The following CD163L1 variants were observed in gnomAD, a reference collection of about 807,000 sequenced individuals.
CD163L1 encodes scavenger receptor cysteine-rich type 1 protein M160.
CD163L1 carries 124 observed loss-of-function variants against 165.4 expected under a neutral mutation model. The observed-to-expected ratio is 0.75, with a 90% CI of 0.65 to 0.87. CD163L1 has a LOEUF of 0.87. Ranked by LOEUF, CD163L1 falls within the 40% of genes least tolerant of loss-of-function variation. The pLI is 0.00. For missense variants in CD163L1, 1,525 were observed against 1,799.9 expected (o/e 0.85, Z 2.76); for synonymous variants, 585 against 662.2 (o/e 0.88, Z 1.79).
At chr12:7,407,782 T>TAC (rs57031012) in intron 4 of CD163L1, among the ~76,000 whole-genome samples, 27,363 of 143,804 alleles carry the variant, frequency 0.19, 2,687 homozygotes, top group Admixed American at 0.3. Flanking sequence ...CACACATCCA[T>TAC]ACACACACAC....
chr12:7,382,328 T>C (rs1188161999), intron 8 of CD163L1, among the ~76,000 whole-genome samples: 1 of 151,990 alleles, frequency 6.6e-6, no homozygotes, highest in African/African-American at 2.4e-5. Flanking sequence ...TCAAGACGGC[T>C]ACTAGAGGCA....
the CD163L1 span, chr12:7,323,682 A>T: frequency 1.2e-6 from 1 of 824,434 alleles, no homozygotes; most frequent in Non-Finnish European, 2.0e-6. Flanking sequence ...TAAAATGGGG[A>T]GACTATCATC....
chr12:7,323,152 T>G, the CD163L1 span: 3,714 of 1,349,742 alleles, frequency 2.8e-3, 9 homozygotes, highest in Non-Finnish European at 3.3e-3. Context: ...TCAGTCAAAA[T>G]CAAATCTTAA....
chr12:7,413,091 CAAAAAAAAAA>C (rs111943372), intron 4 of CD163L1, among the ~76,000 whole-genome samples: 1 of 39,546 alleles, frequency 2.5e-5, no homozygotes, highest in Non-Finnish European at 5.8e-5. Context: ...GACTCCATCT[CAAAAAAAAAA>C]AAAAAAAAAA....
At chr12:7,422,542 A>G (rs1948458186) in intron 4 of CD163L1, among the ~76,000 whole-genome samples, 1 of 151,894 alleles carries the variant, frequency 6.6e-6, no homozygotes, top group African/African-American at 2.4e-5. Flanking sequence ...AAGAACCTTG[A>G]AAAAAGGTTA....
intron 18 of CD163L1, among the ~76,000 whole-genome samples, chr12:7,366,029 G>A (rs905542246): frequency 1.3e-5 from 2 of 152,050 alleles, no homozygotes; most frequent in Non-Finnish European, 2.9e-5. Flanking sequence ...ATGAATGAAT[G>A]GGTAAGAATA....
chr12:7,402,810 A>G (rs1484490250), intron 6 of CD163L1, among the ~76,000 whole-genome samples: 1 of 151,654 alleles, frequency 6.6e-6, no homozygotes, highest in Non-Finnish European at 1.5e-5. Flanking sequence ...TAATTTTTAA[A>G]TTTTTTGCAG....
chr12:7,418,447 T>C (rs1023881554), intron 4 of CD163L1, among the ~76,000 whole-genome samples: 1 of 151,832 alleles, frequency 6.6e-6, no homozygotes, highest in South Asian at 2.1e-4. Context: ...AGAGTATAAA[T>C]AGACAATCTA....
chr12:7,406,750 T>A lies in CD163L1; in HGVS notation c.869A>T (p.Lys290Met), dbSNP rs1406185726. 1 of 1,613,928 alleles carries A rather than the reference T, an allele frequency of 6.2e-7. No individual in the cohort carries two copies. Among genetic ancestry groups the A allele is most frequent in the Non-Finnish European group, 8.5e-7 (1 of 1,180,004 alleles). The change falls in exon 5 of 20, where the codon AAG becomes ATG. Residue 290 changes from lysine (K) to methionine (M), a missense_variant. Lys to Met is a moderately conservative substitution (Grantham distance 95). Coordinates refer to ENST00000313599, the MANE Select transcript of CD163L1 (RefSeq NM_174941.6). ...GACATCAGCTGCAGCATTGTTCCAC[T>A]TATGGTGGCATACGGTCCCCCACCT... ...QGRWGTVCHH[K>M]WNNAAADVVC...
intron 4 of CD163L1, among the ~76,000 whole-genome samples, chr12:7,431,600 G>T (rs1457186035): frequency 6.6e-6 from 1 of 151,236 alleles, no homozygotes; most frequent in African/African-American, 2.4e-5. Context: ...ACACACCAGG[G>T]CCCGTTGGGG....
chr12:7,408,564 T>C (rs1948074964), intron 4 of CD163L1, among the ~76,000 whole-genome samples: 1 of 152,228 alleles, frequency 6.6e-6, no homozygotes, highest in African/African-American at 2.4e-5. Flanking sequence ...TAGAGTAATT[T>C]GGATATCCAT....
At chr12:7,333,596 C>T in the CD163L1 span, among the ~76,000 whole-genome samples, 4 of 152,084 alleles carry the variant, frequency 2.6e-5, no homozygotes, top group African/African-American at 9.7e-5. Context: ...AAAGCAAGAG[C>T]AAACACATTC....
At chr12:7,440,034 A>T (rs1236040765) in intron 2 of CD163L1, 1 of 1,303,948 alleles carries the variant, frequency 7.7e-7, no homozygotes, top group Non-Finnish European at 1.1e-6. Context: ...TGCGACACAC[A>T]CCCCAGCAGC....
chr12:7,435,474 G>T (rs887987697), intron 2 of CD163L1, among the ~76,000 whole-genome samples: 1 of 151,792 alleles, frequency 6.6e-6, no homozygotes, highest in African/African-American at 2.4e-5. Context: ...ATGGAGAAAT[G>T]CCTAAACTTA....
the CD163L1 span, among the ~76,000 whole-genome samples, chr12:7,340,248 G>A: frequency 1.3e-5 from 2 of 152,208 alleles, no homozygotes; most frequent in African/African-American, 4.8e-5. Flanking sequence ...TTTGAGATAA[G>A]TAAAACAGGG....
At chr12:7,434,474 T>C (rs939881692) in intron 2 of CD163L1, among the ~76,000 whole-genome samples, 3 of 152,090 alleles carry the variant, frequency 2.0e-5, no homozygotes, top group South Asian at 2.1e-4. Context: ...AGCCAAAATT[T>C]TGAGGAACAG....
At chr12:7,370,573 G>GT (rs997401346) in intron 14 of CD163L1, among the ~76,000 whole-genome samples, 6 of 151,910 alleles carry the variant, frequency 3.9e-5, no homozygotes, top group African/African-American at 1.5e-4. Context: ...ATTCAAAAGG[G>GT]TTTTTTTGAT....
chr12:7,440,334 G>GCCCACCGGCCCTGCCGCCATCCC (rs1948812272), intron 2 of CD163L1, among the ~76,000 whole-genome samples: 1 of 151,374 alleles, frequency 6.6e-6, no homozygotes, highest in East Asian at 1.9e-4. Flanking sequence ...AGCCGCCGCC[G>GCCCACCGGCCCTGCCGCCATCCC]CCCACCGGCC....
Position 7,367,341 on chromosome 12 carries a change from G to A in CD163L1, c.4184-10C>T, listed in dbSNP as rs2136403776. 1 of 1,577,120 alleles carries A rather than the reference G, an allele frequency of 6.3e-7. No individual in the cohort carries two copies. The highest frequency in any genetic ancestry group is 2.2e-5 in the East Asian group (1 of 44,668). On this transcript the variant is annotated splice_polypyrimidine_tract_variant and intron_variant, in intron 17 of 19. Coordinates refer to ENST00000313599, the MANE Select transcript of CD163L1 (RefSeq NM_174941.6). ...CTCCTTCTGGTTGAAACTGAGAATG[G>A]ATGCTTCATGGTTAGGATTCAAATT...
Sources: gnomAD v4.1 joint callset for allele counts (sites outside exome capture counted in the v4.1 genomes callset) on GRCh38, gnomAD v4.1.1 for gene constraint, MANE v1.5 for transcripts, NCBI Gene and HGNC (gene_info 2026-07-23, HGNC 2026-07-21) for gene names.